Variants in TLN2 observed in about 807,000 individuals in gnomAD.
The protein encoded by TLN2 is talin 2.
Under a neutral mutation model 294.7 loss-of-function variants are expected in TLN2, and 118 were observed. That is an observed-to-expected ratio of 0.40 (90% confidence interval 0.34 to 0.47). The LOEUF (loss-of-function observed/expected upper bound fraction) is 0.47, where lower values mean the gene tolerates loss of function less well. Ranked by LOEUF, TLN2 falls within the 20% of genes least tolerant of loss-of-function variation. TLN2 has a pLI of 0.84. For synonymous variants in TLN2, 1,431 were observed against 1,304.5 expected, an observed-to-expected ratio of 1.10 and a Z score of -2.09; for missense variants, 3,083 against 3,282.2, an observed-to-expected ratio of 0.94 and a Z score of 1.48.
chr15:62,800,612 A>C (rs745947937), intron 49 of TLN2, 41 bp from the exon 50 acceptor site: 2 of 1,612,072 alleles, frequency 1.2e-6, no homozygotes, highest in African/African-American at 2.7e-5. Flanking sequence ...GCTGGACCTG[A>C]GTCACTGCAC....
chr15:62,456,434 G>T (rs970015256), intron 1 of TLN2, among the ~76,000 whole-genome samples: 1 of 152,134 alleles, frequency 6.6e-6, no homozygotes, highest in African/African-American at 2.4e-5. Context: ...TGGACCTGAG[G>T]GATTTATGTG....
At chr15:62,418,501 A>C (rs1321666293) in intron 1 of TLN2, among the ~76,000 whole-genome samples, 1 of 152,100 alleles carries the variant, frequency 6.6e-6, no homozygotes, top group East Asian at 1.9e-4. Context: ...GGGGAGCTGA[A>C]TTTCTGATTT....
chr15:62,655,173 C>T (rs2140953365), intron 7 of TLN2, among the ~76,000 whole-genome samples: 1 of 152,180 alleles, frequency 6.6e-6, no homozygotes. Context: ...AAAATACTCT[C>T]CCAGGTACTG....
intron 9 of TLN2, among the ~76,000 whole-genome samples, chr15:62,670,879 G>A (rs549637335): frequency 2.6e-5 from 4 of 152,314 alleles, no homozygotes; most frequent in Admixed American, 2.0e-4. Context: ...TACAGCAGCT[G>A]TACCATTGTA....
chr15:62,805,365 T>C (rs139696772), intron 50 of TLN2, among the ~76,000 whole-genome samples: 55 of 152,290 alleles, frequency 3.6e-4, no homozygotes, highest in Non-Finnish European at 7.1e-4. Context: ...TAGATACGTC[T>C]CCCTCACCAT....
At chr15:62,836,346 C>G (rs905930419) in intron 57 of TLN2, among the ~76,000 whole-genome samples, 1 of 152,270 alleles carries the variant, frequency 6.6e-6, no homozygotes, top group Admixed American at 6.5e-5. Context: ...CTTTGTGACT[C>G]ATCTGGGAAG....
At chr15:62,580,981 C>G (rs1370887264) in intron 1 of TLN2, among the ~76,000 whole-genome samples, 1 of 151,320 alleles carries the variant, frequency 6.6e-6, no homozygotes, top group Non-Finnish European at 1.5e-5. Flanking sequence ...CCTCCCAGGT[C>G]CAAGTGATTC....
At chr15:62,827,116 A>G (rs1213807345) in intron 54 of TLN2, among the ~76,000 whole-genome samples, 3 of 152,180 alleles carry the variant, frequency 2.0e-5, no homozygotes, top group Admixed American at 6.5e-5. Flanking sequence ...GCCATCTCCT[A>G]TGCATGCCTT....
At chr15:62,646,183 G>A (rs1252388230) in intron 3 of TLN2, among the ~76,000 whole-genome samples, 2 of 149,220 alleles carry the variant, frequency 1.3e-5, no homozygotes, top group Non-Finnish European at 3.0e-5. Flanking sequence ...TTTTTTTTGA[G>A]ACAGAGTCTT....
chr15:62,725,233 A>G, intron 27 of TLN2, 129 bp downstream of exon 27: 1 of 1,349,542 alleles, frequency 7.4e-7, no homozygotes, highest in Non-Finnish European at 9.7e-7. Flanking sequence ...TCTTTTTCTG[A>G]AAAGAATGCC....
intron 1 of TLN2, among the ~76,000 whole-genome samples, chr15:62,412,731 C>T (rs2140256723): frequency 6.6e-6 from 1 of 152,320 alleles, no homozygotes; most frequent in Admixed American, 6.5e-5. Flanking sequence ...TACAGTTTTT[C>T]TAATGCTCCC....
At position 62,707,151 on chromosome 15, in the gene TLN2, G is replaced by A. The variant is rs2059123918; in HGVS notation, c.2070G>A (p.Lys690=). The change falls in exon 20 of 59, where the codon AAG becomes AAA. Residue 690 remains lysine, a synonymous_variant. Transcript: ENST00000636159. Reference sequence around the variant, plus strand: ...CTGCCATGTTGGTACTAAAGGCAAAGAATGTTGCCCAAGTGGCCGAAGACA... The same window carrying A: ...CTGCCATGTTGGTACTAAAGGCAAAAAATGTTGCCCAAGTGGCCGAAGACA... The part of the protein sequence containing the change: ...NAAAMLVLKA[K]NVAQVAEDTV... 1.2e-6 allele frequency: 2 copies of A among 1,614,116 alleles called. No individual in the cohort carries two copies. The highest frequency in any genetic ancestry group is 2.2e-5 in the East Asian group (1 of 44,898).
chr15:62,501,237 G>T (rs1194926), intron 1 of TLN2, among the ~76,000 whole-genome samples: 19,016 of 152,134 alleles, frequency 0.12, 1,532 homozygotes, highest in African/African-American at 0.22. Context: ...TTGGCCAAAA[G>T]AAGTGGATTG....
At position 62,841,555 on chromosome 15, in the gene TLN2, T is replaced by G. The variant is rs552696325; in HGVS notation, c.*945T>G. The stretch of plus-strand genomic sequence containing the variant: ...AAGCCCGGATTGGAAAGGATCTGCT[T>G]ACAAACCTGTCCCCTGTCCTCCAAC... On this transcript the variant is annotated 3_prime_UTR_variant, in exon 59 of 59. Coordinates refer to ENST00000636159, the MANE Select transcript of TLN2 (RefSeq NM_015059.3). 2.4e-4 allele frequency: 37 copies of G among 152,322 alleles called. No individual in the cohort carries two copies. The highest frequency in any genetic ancestry group is 8.4e-4 in the African/African-American group (35 of 41,562). The allele number at this position is 152,322 out of a possible 1,614,324, so 9.4% of individuals were successfully genotyped here.
intron 25 of TLN2, among the ~76,000 whole-genome samples, chr15:62,720,706 G>A (rs1035766704): frequency 1.3e-5 from 2 of 151,122 alleles, no homozygotes; most frequent in Non-Finnish European, 2.9e-5. Context: ...GGTATTCATT[G>A]TATATAGGCC....
chr15:62,739,446 C>G lies in TLN2; in HGVS notation c.3786C>G (p.Thr1262=). 6.2e-7 allele frequency: 1 copy of G among 1,614,108 alleles called. No homozygotes were observed. The highest frequency in any genetic ancestry group is 8.5e-7 in the Non-Finnish European group (1 of 1,180,008). Residue 1262 remains threonine (T), a synonymous_variant, in exon 31 of 59, where the codon ACC becomes ACG. Transcript: ENST00000636159. ...NQSAGEVVHA[T]RGQSGELAAA... ...CTGCTGGGGAAGTGGTCCATGCCAC[C>G]CGGGGCCAGAGTGGAGAGTTGGCTG...
Position 62,667,257 on chromosome 15 carries a change from T to C in TLN2, c.789-6570T>C, listed in dbSNP as rs138542301. Among the ~76,000 whole-genome samples the C allele has an allele frequency of 3.2e-3, 480 of 152,336 alleles. 2 individuals are homozygous for C. The East Asian group carries it at 0.034, about 11-fold the overall frequency. On this transcript the variant is annotated intron_variant, in intron 9 of 58. Transcript: ENST00000636159. ...CTGGGATTACAGGCGTGAGCCACCG[T>C]GCCTGGCGAACACTGGCATTTCTGT...
At chr15:62,697,332 C>T (rs984856938) in intron 14 of TLN2, among the ~76,000 whole-genome samples, 1 of 152,172 alleles carries the variant, frequency 6.6e-6, no homozygotes, top group African/African-American at 2.4e-5. Flanking sequence ...TGGTCTTGAA[C>T]TCCTAACTTC....
At chr15:62,543,990 C>T (rs1273282853) in intron 1 of TLN2, among the ~76,000 whole-genome samples, 2 of 152,026 alleles carry the variant, frequency 1.3e-5, no homozygotes, top group Non-Finnish European at 2.9e-5. Context: ...TAGTAGGGCC[C>T]ATGAGGTCCT....
Sources: allele counts gnomAD v4.1 joint callset (sites outside exome capture counted in the v4.1 genomes callset), GRCh38; gene constraint gnomAD v4.1.1; transcripts MANE v1.5; gene names NCBI Gene and HGNC (gene_info 2026-07-23, HGNC 2026-07-21).